The following CISD1 variants were observed in gnomAD, a reference collection of about 807,000 sequenced individuals.
CISD1 encodes the protein CDGSH iron sulfur domain 1.
In CISD1, 8 loss-of-function variants were observed where a neutral mutation model predicts 12.0. That is an observed-to-expected ratio of 0.67 (90% CI 0.39 to 1.20). CISD1 has a LOEUF of 1.20. Ranked by LOEUF, CISD1 falls within the 50% of genes most tolerant of loss-of-function variation. The pLI, the probability that CISD1 is intolerant of heterozygous loss-of-function variation, is 0.01. For missense variants in CISD1, 107 were observed against 132.7 expected (o/e 0.81, Z 0.95); for synonymous variants, 38 against 42.2 (o/e 0.90, Z 0.39).
chr10:58,270,540 C>A (rs1839233938), intron 1 of CISD1, among the ~76,000 whole-genome samples: 2 of 152,214 alleles, frequency 1.3e-5, no homozygotes, highest in South Asian at 4.1e-4. Flanking sequence ...AGGAAGACTG[C>A]ACATGTTTGA....
At chr10:58,272,593 G>A (rs2132276645) in intron 1 of CISD1, among the ~76,000 whole-genome samples, 1 of 152,226 alleles carries the variant, frequency 6.6e-6, no homozygotes, top group South Asian at 2.1e-4. Flanking sequence ...GAAAATAAAA[G>A]GGATAGCTCC....
At chr10:58,270,539 G>GC (rs778843698) in intron 1 of CISD1, among the ~76,000 whole-genome samples, 3 of 152,168 alleles carry the variant, frequency 2.0e-5, no homozygotes, top group Non-Finnish European at 4.4e-5. Flanking sequence ...CAGGAAGACT[G>GC]CACATGTTTG....
At chr10:58,277,056 T>C in intron 1 of CISD1, 61 bp from the exon 2 acceptor site, 4 of 1,175,368 alleles carry the variant, frequency 3.4e-6, no homozygotes, top group Non-Finnish European at 4.9e-6. Flanking sequence ...CTGACATGCA[T>C]GTGATATTAT....
chr10:58,289,349 A>G lies in CISD1; in HGVS notation c.*1699A>G, dbSNP rs939786457. 2 of 152,098 alleles carry G rather than the reference A, an allele frequency of 1.3e-5. No homozygotes were observed. The highest frequency in any genetic ancestry group is 1.5e-5 in the Non-Finnish European group (1 of 67,936). 9.4% of individuals were successfully genotyped at this position (152,098 alleles called of 1,614,324 possible). On this transcript the variant is annotated 3_prime_UTR_variant, in exon 3 of 3. Transcript: ENST00000333926. ...ATATTGTTAGTCATGCATTTTTGTA[A>G]TGTCAGGGGGAACCTGGTACCAGTT...
intron 1 of CISD1, among the ~76,000 whole-genome samples, chr10:58,270,986 C>T (rs117898338): frequency 6.6e-6 from 1 of 151,982 alleles, no homozygotes; most frequent in African/African-American, 2.4e-5. Context: ...TCCTTGGTCC[C>T]CTGGCTTCCC....
intron 2 of CISD1, among the ~76,000 whole-genome samples, chr10:58,280,452 A>T (rs1259692707): frequency 7.9e-5 from 12 of 152,248 alleles, no homozygotes; most frequent in African/African-American, 2.9e-4. Context: ...GAAGAGGGTT[A>T]TGCCATTAAC....
chr10:58,274,569 A>C (rs995218562), intron 1 of CISD1, among the ~76,000 whole-genome samples: 4 of 150,076 alleles, frequency 2.7e-5, no homozygotes, highest in African/African-American at 7.4e-5. Flanking sequence ...AAGACCTTAG[A>C]GCAAATACAA....
In CISD1 at chr10:58,289,141, G is replaced by A. The variant is rs1839461938; in HGVS notation, c.*1491G>A. The A allele has an allele frequency of 6.6e-6, 1 of 152,100 alleles. No individual in the cohort carries two copies. Among genetic ancestry groups the A allele is most frequent in the African/African-American group, 2.4e-5 (1 of 41,400 alleles). 9.4% of individuals were successfully genotyped at this position (152,100 alleles called of 1,614,324 possible). A position where few individuals can be genotyped will look rare whatever the true frequency, so the allele number is the denominator to read the frequency against. On this transcript the variant is annotated 3_prime_UTR_variant, in exon 3 of 3. Coordinates refer to ENST00000333926, the MANE Select transcript of CISD1 (RefSeq NM_018464.5). ...AAACTGATTCTATTAGATTCTTAGG[G>A]TAAATTTTTTCTTTGCCCACCTCCT...
intron 1 of CISD1, among the ~76,000 whole-genome samples, chr10:58,272,344 C>G (rs1294631688): frequency 6.6e-6 from 1 of 150,942 alleles, no homozygotes; most frequent in Non-Finnish European, 1.5e-5. Context: ...AGGGATTTGT[C>G]TGTTCATCTT....
chr10:58,272,388 A>T (rs1839259818), intron 1 of CISD1, among the ~76,000 whole-genome samples: 1 of 152,022 alleles, frequency 6.6e-6, no homozygotes, highest in Non-Finnish European at 1.5e-5. Flanking sequence ...CCTGATCACT[A>T]CAACGCTTGT....
chr10:58,273,762 C>T (rs942724485), intron 1 of CISD1, among the ~76,000 whole-genome samples: 1 of 152,060 alleles, frequency 6.6e-6, no homozygotes. Context: ...AGATATAAAG[C>T]ATGATTACAC....
intron 1 of CISD1, 141 bp downstream of exon 1, chr10:58,269,445 C>T: frequency 1.3e-6 from 1 of 743,594 alleles, no homozygotes; most frequent in South Asian, 1.8e-5. Context: ...GCGCTCGGCC[C>T]GGCTGCGGGC....
intron 2 of CISD1, among the ~76,000 whole-genome samples, chr10:58,282,060 C>T (rs1236462616): frequency 1.3e-5 from 2 of 151,762 alleles, no homozygotes; most frequent in East Asian, 3.9e-4. Flanking sequence ...CTTCTGGGTT[C>T]AAGCAATTCT....
rs147257606 is a variant in CISD1 at position 58,287,684 on chromosome 10, G to A, written c.*34G>A. Reference sequence around the variant, plus strand: ...TTTTGATGCTGCAAATCAGCTTGTCGTGAAGTTACCTGATTGTTTAATTAG... The same window carrying A: ...TTTTGATGCTGCAAATCAGCTTGTCATGAAGTTACCTGATTGTTTAATTAG... On this transcript the variant is annotated 3_prime_UTR_variant, in exon 3 of 3. Coordinates refer to ENST00000333926, the MANE Select transcript of CISD1 (RefSeq NM_018464.5). 1.4e-5 allele frequency: 20 copies of A among 1,410,934 alleles called. No homozygotes were observed. In the African/African-American group the frequency reaches 1.8e-4, roughly 13 times the overall value. 87.4% of individuals were successfully genotyped at this position (1,410,934 alleles called of 1,614,324 possible).
intron 2 of CISD1, among the ~76,000 whole-genome samples, chr10:58,284,267 T>C (rs1312984797): frequency 6.6e-6 from 1 of 151,834 alleles, no homozygotes; most frequent in Non-Finnish European, 1.5e-5. Flanking sequence ...GCCTGGGAGA[T>C]TGAGGCTTCA....
intron 2 of CISD1, among the ~76,000 whole-genome samples, chr10:58,283,988 A>C (rs749020901): frequency 6.6e-6 from 1 of 152,234 alleles, no homozygotes; most frequent in African/African-American, 2.4e-5. Context: ...CAATTTAACA[A>C]ATTTCAAAAT....
chr10:58,269,949 T>C (rs1253517008), intron 1 of CISD1, among the ~76,000 whole-genome samples: 3 of 152,184 alleles, frequency 2.0e-5, no homozygotes, highest in African/African-American at 7.2e-5. Context: ...GGAAACAGTA[T>C]TTCGCAGAAA....
chr10:58,279,179 A>G (rs1025099787), intron 2 of CISD1, among the ~76,000 whole-genome samples: 3 of 152,188 alleles, frequency 2.0e-5, no homozygotes, highest in African/African-American at 7.2e-5. Context: ...TGTTTCATTC[A>G]CAAAACTATG....
intron 2 of CISD1, among the ~76,000 whole-genome samples, chr10:58,286,821 G>C (rs1839434605): frequency 6.6e-6 from 1 of 152,130 alleles, no homozygotes; most frequent in African/African-American, 2.4e-5. Context: ...GTTAAAAAGG[G>C]AGATATTGAC....
Sources: allele counts gnomAD v4.1 joint callset (sites outside exome capture counted in the v4.1 genomes callset), GRCh38; gene constraint gnomAD v4.1.1; transcripts MANE v1.5; gene names NCBI Gene and HGNC (gene_info 2026-07-23, HGNC 2026-07-21).